ADGRL3: variants seen among roughly 807,000 people sequenced by gnomAD.
ADGRL3 encodes adhesion G protein-coupled receptor L3.
A neutral mutation model predicts 153.5 loss-of-function variants in ADGRL3; 62 were observed. The ratio of observed to expected loss-of-function variants is 0.40; its 90% CI spans 0.33 to 0.50. ADGRL3 has a LOEUF of 0.50. ADGRL3 is among the 20% of genes least tolerant of loss of function. The pLI, the probability that ADGRL3 is intolerant of heterozygous loss-of-function variation, is 0.47. For missense variants in ADGRL3, 1,641 were observed against 1,859.4 expected (o/e 0.88, Z 2.16); for synonymous variants, 710 against 672.5 (o/e 1.06, Z -0.86).
chr4:61,577,372 A>G (rs1385450900), intron 4 of ADGRL3, among the ~76,000 whole-genome samples: 1 of 152,096 alleles, frequency 6.6e-6, no homozygotes, highest in Non-Finnish European at 1.5e-5. Context: ...ACCTCCATTC[A>G]TTCAAAACTT....
chr4:61,685,672 T>A (rs1482098273), intron 6 of ADGRL3, among the ~76,000 whole-genome samples: 1 of 152,066 alleles, frequency 6.6e-6, no homozygotes, highest in Non-Finnish European at 1.5e-5. Flanking sequence ...TCCAGTTAGA[T>A]GAGGTAGATA....
At chr4:61,759,235 G>A (rs925136037) in intron 8 of ADGRL3, among the ~76,000 whole-genome samples, 4 of 152,196 alleles carry the variant, frequency 2.6e-5, no homozygotes, top group Non-Finnish European at 5.9e-5. Context: ...CTAGGTTGGG[G>A]AAGTTCTCCT....
chr4:61,487,800 T>G (rs888449132), intron 2 of ADGRL3, among the ~76,000 whole-genome samples: 14 of 152,226 alleles, frequency 9.2e-5, no homozygotes, highest in African/African-American at 3.4e-4. Context: ...AAAGGTTCTA[T>G]CTTACCAATT....
intron 6 of ADGRL3, among the ~76,000 whole-genome samples, chr4:61,729,182 C>T (rs1011263182): frequency 2.0e-5 from 3 of 151,862 alleles, no homozygotes; most frequent in African/African-American, 4.8e-5. Context: ...CAAACCTGTA[C>T]ATGTACCCCC....
chr4:61,605,920 T>C (rs1480990332), intron 5 of ADGRL3, among the ~76,000 whole-genome samples: 1 of 152,186 alleles, frequency 6.6e-6, no homozygotes, highest in Non-Finnish European at 1.5e-5. Context: ...TACTAAATGC[T>C]GGGAACTTAA....
chr4:61,407,145 A>G (rs954283055), intron 2 of ADGRL3, among the ~76,000 whole-genome samples: 2 of 152,130 alleles, frequency 1.3e-5, no homozygotes, highest in Non-Finnish European at 2.9e-5. Flanking sequence ...ATCTGAAACA[A>G]TAAACCCTTA....
At position 61,331,762 on chromosome 4, in the gene ADGRL3, A is replaced by G. The variant is rs149502042; in HGVS notation, c.-239-51362A>G. Among the ~76,000 whole-genome samples the G allele has an allele frequency of 5.7e-3, 868 of 152,246 alleles. 3 individuals carry two copies. The highest frequency in any genetic ancestry group is 8.3e-3 in the Non-Finnish European group (566 of 67,978). ...ATAATAGTTTTAGTCATTCGTATGT[A>G]TAAGTTCCTAATAAAGGTATGAAAA... is the stretch of plus-strand genomic sequence containing the variant. On this transcript the variant is annotated intron_variant, in intron 1 of 26. Coordinates refer to ENST00000683033, the MANE Select transcript of ADGRL3 (RefSeq NM_001387552.1).
intron 17 of ADGRL3, among the ~76,000 whole-genome samples, chr4:61,972,208 T>A (rs1023811625): frequency 2.6e-5 from 4 of 152,162 alleles, no homozygotes; most frequent in Non-Finnish European, 4.4e-5. Context: ...TTGCTTTTGG[T>A]GTTTTAGACA....
intron 5 of ADGRL3, among the ~76,000 whole-genome samples, chr4:61,651,967 G>T (rs2094275378): frequency 6.6e-6 from 1 of 151,716 alleles, no homozygotes; most frequent in Middle Eastern, 3.4e-3. Flanking sequence ...AACAAAATTT[G>T]TATTAAAAAA....
intron 1 of ADGRL3, among the ~76,000 whole-genome samples, chr4:61,238,442 GGTGTGTGTGTGTGTGT>G (rs3065319): frequency 6.8e-6 from 1 of 147,460 alleles, no homozygotes. Context: ...TCTAATGTGT[GGTGTGTGTGTGTGTGT>G]GTGTGTGTGT....
intron 4 of ADGRL3, among the ~76,000 whole-genome samples, chr4:61,565,813 C>G (rs1281400612): frequency 1.3e-5 from 2 of 152,190 alleles, no homozygotes; most frequent in Admixed American, 1.3e-4. Context: ...GCTGGGATTA[C>G]AGGCATGAGC....
At chr4:61,902,871 A>G (rs2098672168) in intron 11 of ADGRL3, among the ~76,000 whole-genome samples, 1 of 152,364 alleles carries the variant, frequency 6.6e-6, no homozygotes, top group South Asian at 2.1e-4. Flanking sequence ...ATATATTTGT[A>G]CAGATAAATT....
chr4:61,248,443 G>T (rs1218106496), intron 1 of ADGRL3, among the ~76,000 whole-genome samples: 6 of 152,144 alleles, frequency 3.9e-5, no homozygotes, highest in Non-Finnish European at 7.4e-5. Context: ...GTGTTTTAAA[G>T]AACAAATTTC....
At chr4:61,621,809 A>G (rs866260623) in intron 5 of ADGRL3, among the ~76,000 whole-genome samples, 1 of 152,158 alleles carries the variant, frequency 6.6e-6, no homozygotes, top group South Asian at 2.1e-4. Flanking sequence ...TTGCTATGAA[A>G]TTTAAAATTA....
Position 62,075,555 on chromosome 4 carries a change from C to G in ADGRL3, c.*4647C>G, listed in dbSNP as rs1015073564. The G allele has an allele frequency of 3.3e-5, 5 of 152,026 alleles. No individual in the cohort carries two copies. The highest frequency in any genetic ancestry group is 5.9e-5 in the Non-Finnish European group (4 of 68,000). The allele number at this position is 152,026 out of a possible 1,614,324, so 9.4% of individuals were successfully genotyped here. ...ATGAAGTTCCCAGTACATTGTAGACCAAGGTGTTAAAATTTAATTAGTTCA... is the reference window on the plus strand; with the variant it reads ...ATGAAGTTCCCAGTACATTGTAGACGAAGGTGTTAAAATTTAATTAGTTCA... On this transcript the variant is annotated 3_prime_UTR_variant, in exon 27 of 27. Coordinates refer to ENST00000683033, the MANE Select transcript of ADGRL3 (RefSeq NM_001387552.1).
intron 4 of ADGRL3, among the ~76,000 whole-genome samples, chr4:61,552,166 A>T (rs2098743258): frequency 8.5e-4 from 1 of 1,180 alleles, no homozygotes; most frequent in Admixed American, 0.02. Flanking sequence ...AATGACAATA[A>T]CAGGCTCATA....
chr4:61,295,125 T>G (rs2094362881), intron 1 of ADGRL3, among the ~76,000 whole-genome samples: 1 of 152,154 alleles, frequency 6.6e-6, no homozygotes, highest in Non-Finnish European at 1.5e-5. Flanking sequence ...TAATCATTCC[T>G]TTGTCGAGTA....
intron 1 of ADGRL3, among the ~76,000 whole-genome samples, chr4:61,350,434 T>C (rs12648666): frequency 6.7e-6 from 1 of 150,070 alleles, no homozygotes; most frequent in Non-Finnish European, 1.5e-5. Flanking sequence ...AGTGATATGG[T>C]GCTCTTTACG....
At position 62,075,405 on chromosome 4, in the gene ADGRL3, A is replaced by G. The variant is rs1200332115; in HGVS notation, c.*4497A>G. On this transcript the variant is annotated 3_prime_UTR_variant, in exon 27 of 27. Transcript: ENST00000683033. ...ACACTACAGAAGTATAATGCATGTC[A>G]ATTCAGATTTAGAGAGTGTAAAAAA... is the stretch of plus-strand genomic sequence containing the variant. The G allele has an allele frequency of 6.6e-6, 1 of 152,172 alleles. No homozygotes were observed. Among genetic ancestry groups the G allele is most frequent in the African/African-American group, 2.4e-5 (1 of 41,448 alleles). 9.4% of individuals were successfully genotyped at this position (152,172 alleles called of 1,614,324 possible).
Sources: gnomAD v4.1 joint callset for allele counts (sites outside exome capture counted in the v4.1 genomes callset) on GRCh38, gnomAD v4.1.1 for gene constraint, MANE v1.5 for transcripts, NCBI Gene and HGNC (gene_info 2026-07-23, HGNC 2026-07-21) for gene names.